Variants in ZNF560 observed in about 807,000 individuals in gnomAD.
ZNF560 encodes the protein zinc finger protein 560.
In ZNF560, 54 loss-of-function variants were observed where a neutral mutation model predicts 81.8. The ratio of observed to expected loss-of-function variants is 0.66; its 90% CI spans 0.53 to 0.83. The LOEUF (loss-of-function observed/expected upper bound fraction) is 0.83. Ranked by LOEUF, ZNF560 falls within the 40% of genes least tolerant of loss-of-function variation. The pLI, the probability that ZNF560 is intolerant of heterozygous loss-of-function variation, is 0.00. For synonymous variants in ZNF560, 321 were observed against 317.9 expected, an observed-to-expected ratio of 1.01 and a Z score of -0.10; for missense variants, 940 against 932.4, an observed-to-expected ratio of 1.01 and a Z score of -0.11.
the ZNF560 span, among the ~76,000 whole-genome samples, chr19:9,506,310 C>A: frequency 6.6e-6 from 1 of 151,888 alleles, no homozygotes; most frequent in Non-Finnish European, 1.5e-5. Flanking sequence ...TAACAGCCCT[C>A]ATAAGGATTA....
At chr19:9,482,735 A>G (rs372653836) in intron 2 of ZNF560, among the ~76,000 whole-genome samples, 8 of 140,534 alleles carry the variant, frequency 5.7e-5, no homozygotes, top group Admixed American at 1.5e-4. Context: ...CTGTACTGCC[A>G]CCATCTCTGC....
intron 2 of ZNF560, among the ~76,000 whole-genome samples, chr19:9,476,904 G>A (rs909865931): frequency 9.9e-5 from 15 of 152,114 alleles, no homozygotes; most frequent in Admixed American, 7.9e-4. Context: ...AAATATGTCT[G>A]GACACAGTTT....
At position 9,483,587 on chromosome 19, in the gene ZNF560, G is replaced by C. The variant is rs1355327357; in HGVS notation, c.-56-8218C>G. Among the ~76,000 whole-genome samples the C allele has an allele frequency of 2.8e-5, 4 of 141,528 alleles. No individual in the cohort carries two copies. In the East Asian group the frequency reaches 8.8e-4, roughly 31 times the overall value. 92.8% of individuals were successfully genotyped at this position (141,528 alleles called of 152,430 possible). ...GCCCCGTCCGGGAGGGGGGTGGGGG[G>C]TCAGCCCCCGCCCGGCCAGCCGCCC... On this transcript the variant is annotated intron_variant, in intron 2 of 9. Coordinates refer to ENST00000301480, the MANE Select transcript of ZNF560 (RefSeq NM_152476.3).
the ZNF560 span, among the ~76,000 whole-genome samples, chr19:9,455,677 AG>A: frequency 6.6e-6 from 1 of 152,336 alleles, no homozygotes; most frequent in African/African-American, 2.4e-5. Context: ...TCAACTGCTC[AG>A]GATATAGTGT....
the ZNF560 span, among the ~76,000 whole-genome samples, chr19:9,459,610 G>A: frequency 2.8e-3 from 424 of 152,284 alleles, 3 homozygotes; most frequent in African/African-American, 9.1e-3. Context: ...TGGAGGCTGC[G>A]AAGTCCCTGA....
the ZNF560 span, among the ~76,000 whole-genome samples, chr19:9,450,184 G>A: frequency 2.0e-5 from 3 of 151,114 alleles, no homozygotes; most frequent in Admixed American, 6.6e-5. Flanking sequence ...TCAACTACTC[G>A]GAAGGCTGAG....
chr19:9,459,817 T>C, the ZNF560 span, among the ~76,000 whole-genome samples: 1 of 152,186 alleles, frequency 6.6e-6, no homozygotes, highest in African/African-American at 2.4e-5. Context: ...CAAGGGGTTT[T>C]ATGCCCTGGG....
intron 2 of ZNF560, among the ~76,000 whole-genome samples, chr19:9,488,308 C>G (rs1389714234): frequency 6.6e-6 from 1 of 152,106 alleles, no homozygotes; most frequent in Non-Finnish European, 1.5e-5. Context: ...AATCCTGAGC[C>G]AAAGAAACCT....
the ZNF560 span, among the ~76,000 whole-genome samples, chr19:9,450,168 G>A: frequency 6.6e-6 from 1 of 150,948 alleles, no homozygotes; most frequent in African/African-American, 2.4e-5. Flanking sequence ...GCAGGCGCCT[G>A]TAATCTCAAC....
chr19:9,478,379 C>T (rs1436823429), intron 2 of ZNF560, among the ~76,000 whole-genome samples: 4 of 152,148 alleles, frequency 2.6e-5, no homozygotes. Flanking sequence ...AGTTCATCGA[C>T]ACCAGACCTA....
chr19:9,453,551 C>T, the ZNF560 span, among the ~76,000 whole-genome samples: 1 of 152,030 alleles, frequency 6.6e-6, no homozygotes, highest in African/African-American at 2.4e-5. Flanking sequence ...AAAATATAAA[C>T]ATTGAGTATA....
At chr19:9,497,638 C>G (rs148130967) in intron 2 of ZNF560, among the ~76,000 whole-genome samples, 104 of 151,534 alleles carry the variant, frequency 6.9e-4, no homozygotes, top group Middle Eastern at 3.4e-3. Context: ...ACGGCGAATA[C>G]ACAAAACGCT....
At chr19:9,462,445 G>T (rs78612767), downstream of ZNF560, among the ~76,000 whole-genome samples, 470 of 152,238 alleles carry the variant, frequency 3.1e-3, 2 homozygotes, top group African/African-American at 0.011. Context: ...TTTATCACAG[G>T]CTGTCAATAA....
intron 2 of ZNF560, among the ~76,000 whole-genome samples, chr19:9,491,321 T>A (rs2073469349): frequency 6.6e-6 from 1 of 152,002 alleles, no homozygotes; most frequent in South Asian, 2.1e-4. Flanking sequence ...GGGATCTCAC[T>A]ATGTTGGCCA....
chr19:9,470,532 C>G lies in ZNF560; in HGVS notation c.322-14G>C. On this transcript the variant is annotated splice_polypyrimidine_tract_variant and intron_variant, in intron 6 of 9. Transcript: ENST00000301480. Reference sequence around the variant, plus strand: ...GGTTACCAGGTCCTAAACCATCAGACACATGCTGATTTGAGCCAAGCAACA... The same window carrying G: ...GGTTACCAGGTCCTAAACCATCAGAGACATGCTGATTTGAGCCAAGCAACA... 6.2e-7 allele frequency: 1 copy of G among 1,614,192 alleles called. No individual in the cohort carries two copies.
At chr19:9,476,960 G>C (rs894660207) in intron 2 of ZNF560, among the ~76,000 whole-genome samples, 1 of 152,076 alleles carries the variant, frequency 6.6e-6, no homozygotes, top group Non-Finnish European at 1.5e-5. Context: ...AATCTAAGTG[G>C]ATAACTGGCA....
intron 3 of ZNF560, among the ~76,000 whole-genome samples, chr19:9,474,594 T>C (rs2073171218): frequency 6.6e-6 from 1 of 152,156 alleles, no homozygotes; most frequent in Non-Finnish European, 1.5e-5. Context: ...TCTCAACTTA[T>C]TTCCCTCTAC....
intron 9 of ZNF560, 23 bp from the exon 10 acceptor site, chr19:9,468,357 T>C (rs2073067667): frequency 9.1e-6 from 14 of 1,534,688 alleles, no homozygotes; most frequent in African/African-American, 1.4e-5. Flanking sequence ...GAATGAACAA[T>C]AAAGGAAGCA....
the ZNF560 span, among the ~76,000 whole-genome samples, chr19:9,457,755 T>C: frequency 6.6e-6 from 1 of 152,182 alleles, no homozygotes; most frequent in Non-Finnish European, 1.5e-5. Context: ...AATCAGACTT[T>C]CAAAATTTAC....
Sources: allele counts gnomAD v4.1 joint callset (sites outside exome capture counted in the v4.1 genomes callset), GRCh38; gene constraint gnomAD v4.1.1; transcripts MANE v1.5; gene names NCBI Gene and HGNC (gene_info 2026-07-23, HGNC 2026-07-21).